The following NECTIN3 variants were observed in gnomAD, a reference collection of about 807,000 sequenced individuals.
The protein encoded by NECTIN3 is nectin cell adhesion molecule 3.
NECTIN3 carries 8 observed loss-of-function variants against 49.4 expected under a neutral mutation model. That is an observed-to-expected ratio of 0.16 (90% CI 0.10 to 0.29). The LOEUF (loss-of-function observed/expected upper bound fraction) is 0.29, where lower values mean the gene tolerates loss of function less well. Among genes scored for constraint, NECTIN3 ranks in the 10% least tolerant of loss-of-function variants. The pLI is 1.00. For synonymous variants in NECTIN3, 277 were observed against 241.1 expected (o/e 1.15, Z -1.38); for missense variants, 581 against 654.6 (o/e 0.89, Z 1.23).
chr3:111,073,966 G>A (rs781717234), intron 1 of NECTIN3, among the ~76,000 whole-genome samples: 1 of 152,178 alleles, frequency 6.6e-6, no homozygotes, highest in Non-Finnish European at 1.5e-5. Context: ...TTAATTCAGA[G>A]CTTAAAAACT....
chr3:111,180,935 G>GT (rs538417075), intron 7 of NECTIN3, among the ~76,000 whole-genome samples: 3 of 151,940 alleles, frequency 2.0e-5, no homozygotes, highest in Non-Finnish European at 2.9e-5. Context: ...ACAAGTTAGA[G>GT]TTTTTTTTAA....
At chr3:111,098,811 T>TTCTC (rs1350899868) in intron 1 of NECTIN3, among the ~76,000 whole-genome samples, 1 of 152,136 alleles carries the variant, frequency 6.6e-6, no homozygotes, top group Non-Finnish European at 1.5e-5. Flanking sequence ...AATATTCTGT[T>TTCTC]TCTCCTCCTG....
intron 1 of NECTIN3, among the ~76,000 whole-genome samples, chr3:111,098,569 T>G (rs894074744): frequency 6.6e-6 from 1 of 152,170 alleles, no homozygotes; most frequent in Non-Finnish European, 1.5e-5. Flanking sequence ...GTAAGGACAC[T>G]TGTCATTGGA....
chr3:111,146,743 T>C (rs2034885081), intron 6 of NECTIN3, among the ~76,000 whole-genome samples: 1 of 152,190 alleles, frequency 6.6e-6, no homozygotes, highest in Non-Finnish European at 1.5e-5. Context: ...AGCATGAGAC[T>C]ATATTTATAA....
chr3:111,144,946 A>G (rs1334462784), exon 6 of NECTIN3: 3 of 1,536,292 alleles, frequency 2.0e-6, no homozygotes, highest in South Asian at 1.2e-5. Context: ...TGGAGCGGTA[A>G]TTGGAGCTGT....
intron 1 of NECTIN3, among the ~76,000 whole-genome samples, chr3:111,093,105 A>G (rs934596338): frequency 3.3e-5 from 5 of 152,124 alleles, no homozygotes; most frequent in South Asian, 2.1e-4. Flanking sequence ...TTCCTAGTCT[A>G]TAGAAATGCA....
intron 3 of NECTIN3, among the ~76,000 whole-genome samples, chr3:111,119,847 T>G (rs962682239): frequency 6.6e-6 from 1 of 151,438 alleles, no homozygotes; most frequent in African/African-American, 2.5e-5. Flanking sequence ...AATCTAGGTG[T>G]TTTTGAGGGA....
At chr3:111,170,167 T>C (rs2035406159) in intron 7 of NECTIN3, among the ~76,000 whole-genome samples, 1 of 152,210 alleles carries the variant, frequency 6.6e-6, no homozygotes, top group Non-Finnish European at 1.5e-5. Flanking sequence ...GCTGTGTTCT[T>C]CTTTATTAGG....
At chr3:111,162,110 G>A (rs568116892) in intron 7 of NECTIN3, among the ~76,000 whole-genome samples, 1 of 151,984 alleles carries the variant, frequency 6.6e-6, no homozygotes, top group East Asian at 1.9e-4. Flanking sequence ...TCTCTAATTT[G>A]GCAATATCTT....
At chr3:111,149,339 C>G (rs913113008) in intron 7 of NECTIN3, among the ~76,000 whole-genome samples, 2 of 151,992 alleles carry the variant, frequency 1.3e-5, no homozygotes, top group African/African-American at 4.8e-5. Context: ...TTCAGAATTA[C>G]CTTCCCAGAT....
At chr3:111,167,850 A>G (rs1335902232) in intron 7 of NECTIN3, among the ~76,000 whole-genome samples, 3 of 152,210 alleles carry the variant, frequency 2.0e-5, no homozygotes, top group Admixed American at 2.0e-4. Context: ...AGATTAGGAC[A>G]GCATTATAAT....
At chr3:111,093,771 G>A (rs747816319) in intron 1 of NECTIN3, among the ~76,000 whole-genome samples, 2 of 152,046 alleles carry the variant, frequency 1.3e-5, no homozygotes, top group South Asian at 2.1e-4. Context: ...ATGAAAAAAT[G>A]TTTATATTAT....
downstream of NECTIN3, among the ~76,000 whole-genome samples, chr3:111,140,889 A>G (rs1450509037): frequency 6.6e-6 from 1 of 152,016 alleles, no homozygotes; most frequent in Non-Finnish European, 1.5e-5. Flanking sequence ...ATATACTAGT[A>G]AACAGTTATT....
At position 111,124,848 on chromosome 3, in the gene NECTIN3, A is replaced by G. The variant is rs143469462; in HGVS notation, c.918-1336A>G. Among the ~76,000 whole-genome samples the G allele has an allele frequency of 2.0e-4, 30 of 152,240 alleles. No individual in the cohort carries two copies. In the East Asian group the frequency reaches 5.6e-3, roughly 28 times the overall value. On this transcript the variant is annotated intron_variant, in intron 4 of 5. Coordinates refer to ENST00000485303, the MANE Select transcript of NECTIN3 (RefSeq NM_015480.3). The stretch of plus-strand genomic sequence containing the variant: ...ACTTACATAATTGAAAATAGAGACT[A>G]CATTTTATTTACTTCTGTATCTCAG...
At chr3:111,128,657 T>C (rs192316858) in intron 5 of NECTIN3, among the ~76,000 whole-genome samples, 21 of 152,338 alleles carry the variant, frequency 1.4e-4, no homozygotes, top group Admixed American at 4.6e-4. Flanking sequence ...TTGATAGTTA[T>C]TCTTGATTTT....
intron 3 of NECTIN3, among the ~76,000 whole-genome samples, chr3:111,120,789 G>A (rs1429769534): frequency 6.6e-6 from 1 of 151,898 alleles, no homozygotes; most frequent in African/African-American, 2.4e-5. Flanking sequence ...CATTGGGGAA[G>A]CCTTTTATCA....
At chr3:111,105,393 A>G (rs1280715273) in intron 1 of NECTIN3, among the ~76,000 whole-genome samples, 1 of 152,076 alleles carries the variant, frequency 6.6e-6, no homozygotes, top group Non-Finnish European at 1.5e-5. Flanking sequence ...TCGGCCTCCC[A>G]AAGTGTTTAA....
rs574134938 is a variant in NECTIN3, at chr3:111,112,206, G to A, written c.337G>A (p.Val113Ile). 1 of 1,613,868 alleles carries A rather than the reference G, an allele frequency of 6.2e-7. No homozygotes were observed. The highest frequency in any genetic ancestry group is 8.5e-7 in the Non-Finnish European group (1 of 1,179,886). Reference protein sequence around the residue: ...AVHHPQYGFSVQGEYQGRVLF... With the variant: ...AVHHPQYGFSIQGEYQGRVLF... Reference sequence around the variant, plus strand: ...TCACCATCCCCAATATGGATTCTCTGTTCAAGGAGAATATCAGGGAAGAGT... The same window carrying A: ...TCACCATCCCCAATATGGATTCTCTATTCAAGGAGAATATCAGGGAAGAGT... Residue 113 changes from valine (V) to isoleucine (I), a missense_variant, in exon 2 of 6, where the codon GTT becomes ATT. This residue lies in a region of NECTIN3 where 234 missense variants were observed against 340.6 expected (regional missense o/e 0.69). Coordinates refer to ENST00000485303, the MANE Select transcript of NECTIN3 (RefSeq NM_015480.3).
At chr3:111,108,250 A>G (rs1276237548) in intron 1 of NECTIN3, among the ~76,000 whole-genome samples, 57 of 149,868 alleles carry the variant, frequency 3.8e-4, no homozygotes, top group Non-Finnish European at 1.2e-4. Context: ...GTAAATATCA[A>G]CTTTGTTCAT....
Sources: allele counts gnomAD v4.1 joint callset (sites outside exome capture counted in the v4.1 genomes callset), GRCh38; gene constraint gnomAD v4.1.1; regional missense constraint gnomAD v4.1.1; transcripts MANE v1.5; gene names NCBI Gene and HGNC (gene_info 2026-07-23, HGNC 2026-07-21).